The following CPQ variants were observed in gnomAD, a reference collection of about 807,000 sequenced individuals.
The protein encoded by CPQ is carboxypeptidase Q.
In CPQ, 37 loss-of-function variants were observed where a neutral mutation model predicts 45.7. The observed-to-expected ratio is 0.81, with a 90% CI of 0.62 to 1.07. The LOEUF (loss-of-function observed/expected upper bound fraction) is 1.07. Among genes scored for constraint, CPQ ranks in the 50% least tolerant of loss-of-function variants. The pLI is 0.00. For synonymous variants in CPQ, 186 were observed against 205.8 expected (o/e 0.90, Z 0.82); for missense variants, 537 against 572.9 (o/e 0.94, Z 0.64).
chr8:96,796,972 A>C (rs773447793), intron 2 of CPQ, among the ~76,000 whole-genome samples: 3 of 152,216 alleles, frequency 2.0e-5, no homozygotes, highest in Non-Finnish European at 4.4e-5. Flanking sequence ...AATGGTTTAC[A>C]GAATCACTGG....
At chr8:97,006,930 C>A (rs1809395053) in intron 5 of CPQ, among the ~76,000 whole-genome samples, 2 of 152,098 alleles carry the variant, frequency 1.3e-5, no homozygotes, top group African/African-American at 4.8e-5. Context: ...GGCAGAGATT[C>A]TTTTTTGGTT....
At chr8:97,121,759 C>G (rs539989792) in intron 7 of CPQ, among the ~76,000 whole-genome samples, 13 of 151,874 alleles carry the variant, frequency 8.6e-5, no homozygotes, top group African/African-American at 2.7e-4. Context: ...TACATATATT[C>G]AAGGATTTAA....
At chr8:96,797,320 CTTGAATGGATG>C (rs1430620770) in intron 2 of CPQ, among the ~76,000 whole-genome samples, 1 of 152,150 alleles carries the variant, frequency 6.6e-6, no homozygotes, top group Non-Finnish European at 1.5e-5. Context: ...TTTGAAGGAC[CTTGAATGGATG>C]TTGAATGCCA....
intron 3 of CPQ, among the ~76,000 whole-genome samples, chr8:96,870,404 C>CTAG (rs1812051744): frequency 6.6e-6 from 1 of 151,844 alleles, no homozygotes. Flanking sequence ...ATTATTTAGC[C>CTAG]CACTATGTAT....
intron 2 of CPQ, among the ~76,000 whole-genome samples, chr8:96,827,164 C>A (rs1811390982): frequency 6.6e-6 from 1 of 152,082 alleles, no homozygotes; most frequent in African/African-American, 2.4e-5. Context: ...GTTTACAAGG[C>A]AATGGGTGGG....
At chr8:96,671,976 TG>T (rs1426066213) in intron 1 of CPQ, among the ~76,000 whole-genome samples, 3 of 152,278 alleles carry the variant, frequency 2.0e-5, no homozygotes, top group Non-Finnish European at 4.4e-5. Context: ...TAGCAGGTCT[TG>T]TGATTTAGAG....
intron 6 of CPQ, among the ~76,000 whole-genome samples, chr8:97,063,389 TG>T (rs1810585409): frequency 6.6e-6 from 1 of 152,190 alleles, no homozygotes; most frequent in African/African-American, 2.4e-5. Context: ...CTTTGTCAGA[TG>T]CATAGCTTGC....
intron 1 of CPQ, among the ~76,000 whole-genome samples, chr8:96,695,348 C>T (rs1357442645): frequency 1.4e-5 from 2 of 143,776 alleles, no homozygotes; most frequent in East Asian, 4.0e-4. Flanking sequence ...TAGAAGAAAA[C>T]CTAGGCATTA....
At chr8:96,944,991 T>C (rs1813170834) in intron 4 of CPQ, among the ~76,000 whole-genome samples, 1 of 152,182 alleles carries the variant, frequency 6.6e-6, no homozygotes, top group African/African-American at 2.4e-5. Flanking sequence ...CTCATCATCA[T>C]GTCTCCGGGT....
intron 3 of CPQ, among the ~76,000 whole-genome samples, chr8:96,876,541 A>G (rs982420292): frequency 3.3e-5 from 5 of 152,122 alleles, no homozygotes; most frequent in Admixed American, 2.6e-4. Context: ...TTCTTTTCCC[A>G]TTACATATGA....
intron 5 of CPQ, among the ~76,000 whole-genome samples, chr8:96,990,716 A>G (rs1809079060): frequency 6.6e-6 from 1 of 152,180 alleles, no homozygotes; most frequent in Admixed American, 6.5e-5. Context: ...TAGTTTTGAG[A>G]TTCACAGTTT....
At chr8:96,820,425 T>G (rs545543860) in intron 2 of CPQ, among the ~76,000 whole-genome samples, 6 of 152,178 alleles carry the variant, frequency 3.9e-5, no homozygotes, top group South Asian at 4.1e-4. Context: ...TGTAGTTCAG[T>G]GGTAATAAAT....
intron 7 of CPQ, among the ~76,000 whole-genome samples, chr8:97,084,551 G>A (rs1811008913): frequency 6.6e-6 from 1 of 152,114 alleles, no homozygotes; most frequent in Non-Finnish European, 1.5e-5. Flanking sequence ...TAGAAAGCAT[G>A]TGCTAAGTGG....
chr8:96,701,456 T>C (rs144473782), intron 1 of CPQ, among the ~76,000 whole-genome samples: 2 of 152,250 alleles, frequency 1.3e-5, no homozygotes, highest in African/African-American at 4.8e-5. Context: ...ATCTGATGAG[T>C]ATTTGATGTT....
chr8:96,672,843 T>G (rs1442401496), intron 1 of CPQ, among the ~76,000 whole-genome samples: 1 of 152,018 alleles, frequency 6.6e-6, no homozygotes, highest in African/African-American at 2.4e-5. Context: ...TCTTTAAAAT[T>G]TTTTTTTAAA....
chr8:97,047,917 C>T (rs2130501925), intron 6 of CPQ, among the ~76,000 whole-genome samples: 1 of 152,258 alleles, frequency 6.6e-6, no homozygotes, highest in South Asian at 2.1e-4. Context: ...GAACCCTAAC[C>T]TTTGAGAGAT....
chr8:97,063,915 G>A (rs1161559820), intron 6 of CPQ, among the ~76,000 whole-genome samples: 2 of 152,078 alleles, frequency 1.3e-5, no homozygotes, highest in Admixed American at 1.3e-4. Context: ...CTCCAGCTTT[G>A]TTCTTCTTGC....
In CPQ at chr8:96,737,066, C is replaced by G. The variant is rs575382751; in HGVS notation, c.-34-47798C>G. 2.0e-5 allele frequency among the ~76,000 whole-genome samples: 3 copies of G among 151,820 alleles called. No homozygotes were observed. The East Asian group carries it at 5.8e-4, about 29-fold the overall frequency. On this transcript the variant is annotated intron_variant, in intron 1 of 7. Transcript: ENST00000220763. Reference sequence around the variant, plus strand: ...TTTTGCAAAGAACCAATATTTGGCTCTGTTGTTTCCTTCTAGTCTATCTTT... The same window carrying G: ...TTTTGCAAAGAACCAATATTTGGCTGTGTTGTTTCCTTCTAGTCTATCTTT...
chr8:96,953,287 G>A (rs1813298038), intron 4 of CPQ, among the ~76,000 whole-genome samples: 4 of 152,030 alleles, frequency 2.6e-5, no homozygotes, highest in Admixed American at 2.6e-4. Flanking sequence ...TGTTTACCTG[G>A]CAGGTGTTCC....
Sources: gnomAD v4.1 joint callset for allele counts (sites outside exome capture counted in the v4.1 genomes callset) on GRCh38, gnomAD v4.1.1 for gene constraint, MANE v1.5 for transcripts, NCBI Gene and HGNC (gene_info 2026-07-23, HGNC 2026-07-21) for gene names.